LRRK2: variants seen among roughly 807,000 people sequenced by gnomAD.
The protein encoded by LRRK2 is leucine rich repeat kinase 2.
In LRRK2, 203 loss-of-function variants were observed where a neutral mutation model predicts 302.6. The observed-to-expected ratio is 0.67, with a 90% CI of 0.60 to 0.75. The LOEUF (loss-of-function observed/expected upper bound fraction) is 0.75. LRRK2 is among the 30% of genes least tolerant of loss of function. LRRK2 has a pLI of 0.00. For synonymous variants in LRRK2, 1,066 were observed against 1,031.9 expected (o/e 1.03, Z -0.63); for missense variants, 2,830 against 2,951.0 (o/e 0.96, Z 0.95).
chr12:40,286,952 CTT>C (rs1053050708), intron 19 of LRRK2, among the ~76,000 whole-genome samples: 6 of 151,986 alleles, frequency 3.9e-5, no homozygotes, highest in African/African-American at 1.4e-4. Flanking sequence ...TTCAATTACT[CTT>C]TTTCATCACC....
chr12:40,363,356 A>G, intron 47 of LRRK2, 46 bp from the exon 48 acceptor site: 1 of 1,587,514 alleles, frequency 6.3e-7, no homozygotes, highest in Non-Finnish European at 8.6e-7. Flanking sequence ...AGAAATTTTA[A>G]GAAGAAAACA....
At chr12:40,291,802 T>C (rs1358101953) in intron 20 of LRRK2, among the ~76,000 whole-genome samples, 1 of 152,092 alleles carries the variant, frequency 6.6e-6, no homozygotes, top group Non-Finnish European at 1.5e-5. Context: ...TAGAGAAATA[T>C]TGAAGTTGTA....
chr12:40,292,873 C>A (rs985010809), intron 20 of LRRK2, among the ~76,000 whole-genome samples: 2 of 151,584 alleles, frequency 1.3e-5, no homozygotes, highest in Non-Finnish European at 2.9e-5. Flanking sequence ...ACTGCCTTTT[C>A]CTTATTTTAT....
Position 40,315,288 on chromosome 12 carries a change from A to G in LRRK2, c.4815A>G (p.Lys1605=), listed in dbSNP as rs200304604. The G allele has an allele frequency of 4.2e-5, 67 of 1,612,198 alleles. No individual in the cohort carries two copies. The highest frequency in any genetic ancestry group is 5.3e-5 in the Non-Finnish European group (63 of 1,178,584). ...LYFVEPKWLC[K]IMAQILTVKV... ...TTGTGGAACCCAAGTGGCTTTGTAA[A>G]ATCATGGCACAGGTTGGTGTCTTTT... The change falls in exon 33 of 51, where the codon AAA becomes AAG. Residue 1605 remains lysine, a synonymous_variant. Coordinates refer to ENST00000298910, the MANE Select transcript of LRRK2 (RefSeq NM_198578.4).
rs201079798 is a variant in LRRK2 at position 40,367,811 on chromosome 12, C to G, written c.*46C>G. On this transcript the variant is annotated 3_prime_UTR_variant, in exon 51 of 51. Transcript: ENST00000298910. ...TTGGATAGGAAAATTATTCTCTCCT[C>G]TTGTAAATATTTATTTTAAAAATGT... The G allele has an allele frequency of 6.4e-7, 1 of 1,557,046 alleles. No individual in the cohort carries two copies. Among genetic ancestry groups the G allele is most frequent in the African/African-American group, 1.4e-5 (1 of 72,990 alleles).
intron 38 of LRRK2, among the ~76,000 whole-genome samples, chr12:40,326,287 A>G (rs1205745573): frequency 6.6e-6 from 1 of 151,838 alleles, no homozygotes; most frequent in Non-Finnish European, 1.5e-5. Context: ...ACACGGTGAA[A>G]CCCCATCTCT....
chr12:40,348,563 A>ATATATATATTTGAAGAT, intron 43 of LRRK2, 54 bp downstream of exon 43: 1 of 1,037,844 alleles, frequency 9.6e-7, no homozygotes, highest in Non-Finnish European at 1.5e-6. Context: ...GCATATATGC[A>ATATATATATTTGAAGAT]TATATATATA....
At chr12:40,323,356 C>A in intron 38 of LRRK2, 50 bp downstream of exon 38, 2 of 1,462,372 alleles carry the variant, frequency 1.4e-6, no homozygotes, top group South Asian at 1.2e-5. Flanking sequence ...TAATTTTCTC[C>A]TTATAATTTA....
rs1332493353 is a variant in LRRK2 at position 40,281,122 on chromosome 12, CA to C, written c.2242-2747del. ...CCAACCAACCAACAAAACAAACAAA[CA>C]AAAAACCAACAAAACCAAACACTTC... On this transcript the variant is annotated intron_variant, in intron 18 of 50. Transcript: ENST00000298910. Among the ~76,000 whole-genome samples the C allele has an allele frequency of 1.3e-5, 2 of 150,144 alleles. 1 individual carries two copies. The highest frequency in any genetic ancestry group is 4.3e-4 in the South Asian group (2 of 4,680).
chr12:40,287,421 C>T lies in LRRK2; in HGVS notation c.2571C>T (p.Ala857=), dbSNP rs757993182. 7.4e-6 allele frequency: 12 copies of T among 1,612,560 alleles called. No homozygotes were observed. The highest frequency in any genetic ancestry group is 3.3e-5 in the South Asian group (3 of 91,054). The part of the protein sequence containing the change: ...QMKSAVEEGT[A]SGSDGNFSED... ...AAAGTGCTGTGGAAGAAGGAACAGC[C>T]TCAGGCAGCGATGGAAATTTTTCTG... Residue 857 remains alanine, a synonymous_variant, in exon 20 of 51, where the codon GCC becomes GCT. Transcript: ENST00000298910.
chr12:40,326,368 A>C (rs1263631411), intron 38 of LRRK2, among the ~76,000 whole-genome samples: 5 of 150,934 alleles, frequency 3.3e-5, no homozygotes, highest in Admixed American at 6.6e-5. Flanking sequence ...CGGGAGGCTG[A>C]GTCAGGAAAA....
chr12:40,321,244 T>G (rs1165220444), intron 35 of LRRK2, 56 bp downstream of exon 35: 3 of 1,516,664 alleles, frequency 2.0e-6, no homozygotes, highest in Non-Finnish European at 2.7e-6. Flanking sequence ...TTAGACTTAT[T>G]AATTTTTAGA....
At chr12:40,233,846 C>G (rs944392697) in intron 3 of LRRK2, among the ~76,000 whole-genome samples, 1 of 152,192 alleles carries the variant, frequency 6.6e-6, no homozygotes, top group African/African-American at 2.4e-5. Flanking sequence ...CATTCACTCA[C>G]TTTGTTCATC....
At chr12:40,327,922 A>G (rs1417805715) in intron 38 of LRRK2, among the ~76,000 whole-genome samples, 1 of 152,212 alleles carries the variant, frequency 6.6e-6, no homozygotes, top group Non-Finnish European at 1.5e-5. Context: ...CATCAGCTAT[A>G]TGGAAGGTAG....
rs1244456571 is a variant in LRRK2 at position 40,277,884 on chromosome 12, T to C, written c.1942-4T>C. 2 of 1,601,870 alleles carry C rather than the reference T, an allele frequency of 1.2e-6. No individual in the cohort carries two copies. The highest frequency in any genetic ancestry group is 1.7e-6 in the Non-Finnish European group (2 of 1,174,876). On this transcript the variant is annotated splice_polypyrimidine_tract_variant and splice_region_variant and intron_variant, in intron 16 of 50. Coordinates refer to ENST00000298910, the MANE Select transcript of LRRK2 (RefSeq NM_198578.4). ...TTTTATTATTTTTTTTCTTATACTT[T>C]TAGGGATTTCAGACAATCTTAGCAA...
rs1158055860 is a variant in LRRK2, at chr12:40,351,527, A to G, written c.6382-12A>G. 6.2e-7 allele frequency: 1 copy of G among 1,613,436 alleles called. No homozygotes were observed. On this transcript the variant is annotated splice_polypyrimidine_tract_variant and intron_variant, in intron 43 of 50. Transcript: ENST00000298910. ...CGATAAGTACTGTTTTGTTATCTTTAAACTTTCTCAGGTCTTTGACATTTT... is the reference window on the plus strand; with the variant it reads ...CGATAAGTACTGTTTTGTTATCTTTGAACTTTCTCAGGTCTTTGACATTTT...
chr12:40,320,988 G>A, intron 34 of LRRK2, 46 bp from the exon 35 acceptor site: 2 of 1,603,042 alleles, frequency 1.2e-6, no homozygotes, highest in East Asian at 2.2e-5. Flanking sequence ...CAACAAGGTT[G>A]GGTGTTTTGT....
Position 40,320,453 on chromosome 12 carries a change from G to T in LRRK2, c.5015+278G>T, listed in dbSNP as rs1036269275. On this transcript the variant is annotated intron_variant, in intron 34 of 50. Coordinates refer to ENST00000298910, the MANE Select transcript of LRRK2 (RefSeq NM_198578.4). ...AAAGGTAAATAGTGGAGATTAATGTGTGTGTGTGTCTGTGTTTGTGTATGT... is the reference window on the plus strand; with the variant it reads ...AAAGGTAAATAGTGGAGATTAATGTTTGTGTGTGTCTGTGTTTGTGTATGT... Among the ~76,000 whole-genome samples, 5 of 152,026 alleles carry T rather than the reference G, an allele frequency of 3.3e-5. No individual in the cohort carries two copies. In the South Asian group the frequency reaches 1.0e-3, roughly 31 times the overall value.
At chr12:40,338,517 C>T (rs1347935489) in intron 40 of LRRK2, among the ~76,000 whole-genome samples, 2 of 152,126 alleles carry the variant, frequency 1.3e-5, no homozygotes, top group Non-Finnish European at 2.9e-5. Context: ...GTCATGGTTA[C>T]ACAATGCATA....
Sources: gnomAD v4.1 joint callset for allele counts (sites outside exome capture counted in the v4.1 genomes callset) on GRCh38, gnomAD v4.1.1 for gene constraint, MANE v1.5 for transcripts, NCBI Gene and HGNC (gene_info 2026-07-23, HGNC 2026-07-21) for gene names.